The following PRH1 variants were observed in gnomAD, a reference collection of about 807,000 sequenced individuals.
The protein encoded by PRH1 is salivary acidic proline-rich phosphoprotein 1/2.
In PRH1, 7 loss-of-function variants were observed where a neutral mutation model predicts 7.9. The observed-to-expected ratio is 0.89, with a 90% CI of 0.50 to 1.67. The LOEUF is 1.67. PRH1 is among the 40% of genes most tolerant of loss of function. PRH1 has a pLI of 0.00. For synonymous variants in PRH1, 45 were observed against 80.8 expected (o/e 0.56, Z 2.38); for missense variants, 109 against 223.6 (o/e 0.49, Z 3.27).
At position 10,930,862 on chromosome 12, in the gene PRH1, C is replaced by A. The variant is rs756039945; in HGVS notation, c.-59+42793G>T. ...AGGACCACCCCAACAGGGAGGCCAT[C>A]CCCCTCCTCCTCAAGGAAGGCCACA... On this transcript the variant is annotated intron_variant, in intron 2 of 3. Transcript: ENST00000539853. 6 of 1,613,162 alleles carry A rather than the reference C, an allele frequency of 3.7e-6. No individual in the cohort carries two copies. The East Asian group carries it at 1.1e-4, about 30-fold the overall frequency.
intron 2 of PRH1, among the ~76,000 whole-genome samples, chr12:10,897,816 T>C (rs1233551488): frequency 2.6e-5 from 4 of 152,024 alleles, no homozygotes; most frequent in Non-Finnish European, 5.9e-5. Context: ...CATAATCCAA[T>C]CACCTCCCAC....
chr12:11,035,519 T>C (rs193062776), intron 1 of PRH1, among the ~76,000 whole-genome samples: 1 of 152,328 alleles, frequency 6.6e-6, no homozygotes, highest in African/African-American at 2.4e-5. Flanking sequence ...TAAATCATTT[T>C]TCTAACGGAG....
rs1295384446 is a variant in PRH1 at position 10,941,231 on chromosome 12, G to A, written c.-59+32424C>T. On this transcript the variant is annotated intron_variant, in intron 2 of 3. Coordinates refer to the PRH1 transcript ENST00000539853. The stretch of plus-strand genomic sequence containing the variant: ...CAGTGAGAGCTACAATAACCCCAGA[G>A]GGTCTCGCCCAAAGGACCTCAGCAC... 3.3e-5 allele frequency among the ~76,000 whole-genome samples: 5 copies of A among 152,322 alleles called. No individual in the cohort carries two copies. In the East Asian group the frequency reaches 9.6e-4, roughly 29 times the overall value.
At chr12:11,146,384 C>T (rs1451046651) in intron 1 of PRH1, among the ~76,000 whole-genome samples, 5 of 151,984 alleles carry the variant, frequency 3.3e-5, no homozygotes, top group African/African-American at 1.2e-4. Context: ...CTGAATTTGG[C>T]AAGAATTGAT....
intron 1 of PRH1, among the ~76,000 whole-genome samples, chr12:11,105,085 A>T (rs905169851): frequency 2.0e-5 from 3 of 151,954 alleles, no homozygotes; most frequent in Admixed American, 2.0e-4. Context: ...TATACTGGAG[A>T]TACTTCCTTT....
At chr12:11,031,848 A>G (rs1443287044) in intron 1 of PRH1, among the ~76,000 whole-genome samples, 1 of 152,232 alleles carries the variant, frequency 6.6e-6, no homozygotes, top group Non-Finnish European at 1.5e-5. Context: ...TTCAGAAAGT[A>G]TAGCTCGCTT....
chr12:11,151,081 C>T (rs993353870), intron 1 of PRH1, among the ~76,000 whole-genome samples: 3 of 152,144 alleles, frequency 2.0e-5, no homozygotes. Context: ...GAAGCTGCTC[C>T]AAGGAGATGA....
At chr12:11,002,741 G>A (rs1477723728) in intron 1 of PRH1, among the ~76,000 whole-genome samples, 1 of 151,974 alleles carries the variant, frequency 6.6e-6, no homozygotes, top group African/African-American at 2.4e-5. Flanking sequence ...CACTAAATAT[G>A]TTTTATAGCT....
At chr12:11,090,425 G>A (rs1484167995) in intron 1 of PRH1, among the ~76,000 whole-genome samples, 19 of 98,208 alleles carry the variant, frequency 1.9e-4, no homozygotes, top group Non-Finnish European at 2.7e-4. Context: ...GCTTTAGAAA[G>A]AATACTAAAA....
intron 1 of PRH1, among the ~76,000 whole-genome samples, chr12:11,127,116 A>G (rs1022619594): frequency 6.6e-6 from 1 of 152,294 alleles, no homozygotes; most frequent in Non-Finnish European, 1.5e-5. Context: ...GGGGAATGCT[A>G]TTGAATGAGT....
chr12:10,888,675 G>GA (rs761160924), upstream of PRH1, among the ~76,000 whole-genome samples: 54 of 152,202 alleles, frequency 3.5e-4, no homozygotes, highest in Non-Finnish European at 6.8e-4. Flanking sequence ...TGGGGCCACT[G>GA]AAAGTGTTTT....
At chr12:10,911,318 T>C (rs867919999) in intron 2 of PRH1, among the ~76,000 whole-genome samples, 2 of 152,140 alleles carry the variant, frequency 1.3e-5, no homozygotes, top group African/African-American at 2.4e-5. Context: ...GACAAAGACA[T>C]AGAGAATGGA....
intron 1 of PRH1, among the ~76,000 whole-genome samples, chr12:11,000,351 G>A (rs1238086184): frequency 6.6e-6 from 1 of 151,774 alleles, no homozygotes; most frequent in Non-Finnish European, 1.5e-5. Flanking sequence ...ATATCATTTG[G>A]ATTTCTGTTT....
chr12:11,055,606 T>TA (rs1331413106), intron 1 of PRH1, among the ~76,000 whole-genome samples: 1 of 152,224 alleles, frequency 6.6e-6, no homozygotes, highest in East Asian at 1.9e-4. Flanking sequence ...GTGACCTTGT[T>TA]ATAAGATAAA....
Position 11,053,622 on chromosome 12 carries a change from C to T in PRH1, n.124-6434G>A, listed in dbSNP as rs563413715. Among the ~76,000 whole-genome samples, 100 of 24,040 alleles carry T rather than the reference C, an allele frequency of 4.2e-3. No homozygotes were observed. In the South Asian group the frequency reaches 0.17, roughly 42 times the overall value. The allele number at this position is 24,040 out of a possible 152,430, so 15.8% of individuals were successfully genotyped here. ...TCTCTTGGAAATTACATAGACATTA[C>T]CCAAATTATGTATGTAAATATTTCA... is the stretch of plus-strand genomic sequence containing the variant. On this transcript the variant is annotated intron_variant and non_coding_transcript_variant, in intron 1 of 4. Transcript: ENST00000541977.
intron 1 of PRH1, chr12:11,062,322 A>G (rs776053290): frequency 3.2e-5 from 51 of 1,569,628 alleles, no homozygotes; most frequent in Non-Finnish European, 4.0e-5. Context: ...GAAATTTTTA[A>G]AATGCTGGTG....
At chr12:11,043,741 G>T (rs1166866761) in intron 1 of PRH1, among the ~76,000 whole-genome samples, 1 of 152,026 alleles carries the variant, frequency 6.6e-6, no homozygotes, top group African/African-American at 2.4e-5. Flanking sequence ...CCAAAGAGAT[G>T]AAAGATCTCT....
Position 10,954,230 on chromosome 12 carries a change from C to T in PRH1, c.-59+19425G>A, listed in dbSNP as rs117344002. Among the ~76,000 whole-genome samples the T allele has an allele frequency of 1.5e-4, 23 of 152,236 alleles. No individual in the cohort carries two copies. The East Asian group carries it at 4.1e-3, about 27-fold the overall frequency. On this transcript the variant is annotated intron_variant, in intron 2 of 3. Transcript: ENST00000539853. The stretch of plus-strand genomic sequence containing the variant: ...AGTCTGCATGATAAGCAGCTAACAA[C>T]ATAATGAAAGGATCAAATTCCCACA...
chr12:11,126,784 G>A (rs988349912), intron 1 of PRH1, among the ~76,000 whole-genome samples: 1 of 152,150 alleles, frequency 6.6e-6, no homozygotes, highest in Non-Finnish European at 1.5e-5. Context: ...TTAGTTAACA[G>A]TATACTGTAA....
Sources: allele counts gnomAD v4.1 joint callset (sites outside exome capture counted in the v4.1 genomes callset), GRCh38; gene constraint gnomAD v4.1.1; transcripts MANE v1.5; gene names NCBI Gene and HGNC (gene_info 2026-07-23, HGNC 2026-07-21).